Variants in IGHMBP2 observed in about 807,000 individuals in gnomAD.
IGHMBP2 encodes the protein DNA-binding protein SMUBP-2.
IGHMBP2 carries 81 observed loss-of-function variants against 96.0 expected under a neutral mutation model. The observed-to-expected ratio is 0.84, with a 90% CI of 0.71 to 1.01. IGHMBP2 has a LOEUF of 1.01. Among genes scored for constraint, IGHMBP2 ranks in the 50% least tolerant of loss-of-function variants. The pLI, the probability that IGHMBP2 is intolerant of heterozygous loss-of-function variation, is 0.00. For missense variants in IGHMBP2, 1,227 were observed against 1,306.3 expected, an observed-to-expected ratio of 0.94 and a Z score of 0.94; for synonymous variants, 557 against 548.9, an observed-to-expected ratio of 1.01 and a Z score of -0.21.
At chr11:68,913,151 G>A (rs1040028142) in intron 5 of IGHMBP2, among the ~76,000 whole-genome samples, 9 of 151,426 alleles carry the variant, frequency 5.9e-5, no homozygotes, top group Non-Finnish European at 1.2e-4. Flanking sequence ...AACTCGGGCA[G>A]AGCGCAGGGA....
Position 68,919,205 on chromosome 11 carries a change from G to GTCCCCA in IGHMBP2, c.1060+1325_1060+1326insCCATCC, listed in dbSNP as rs1858787501. Among the ~76,000 whole-genome samples, 3 of 134,208 alleles carry GTCCCCA rather than the reference G, an allele frequency of 2.2e-5. No homozygotes were observed. In the South Asian group the frequency reaches 9.1e-4, roughly 41 times the overall value. The allele number at this position is 134,208 out of a possible 152,430, so 88.0% of individuals were successfully genotyped here. On this transcript the variant is annotated intron_variant, in intron 7 of 14. Transcript: ENST00000255078. ...CCCTCCCCTCCCCGTCCCCGTCCCC[G>GTCCCCA]TCCTGTGTGGGATCTCACTGTGTTG...
chr11:68,911,934 G>T (rs561787052), intron 5 of IGHMBP2, among the ~76,000 whole-genome samples: 1 of 152,354 alleles, frequency 6.6e-6, no homozygotes, highest in South Asian at 2.1e-4. Context: ...GTGCACGCCC[G>T]TGCAGGGGCC....
intron 7 of IGHMBP2, 58 bp from the exon 8 acceptor site, chr11:68,929,125 C>T: frequency 6.6e-7 from 1 of 1,506,890 alleles, no homozygotes. Flanking sequence ...TCTGGTGTGG[C>T]TGCGCTGTTG....
At chr11:68,916,975 C>CTTTTTTT (rs11418103) in intron 6 of IGHMBP2, among the ~76,000 whole-genome samples, 4 of 103,344 alleles carry the variant, frequency 3.9e-5, no homozygotes, top group Admixed American at 1.0e-4. Context: ...AAGGTTACAT[C>CTTTTTTT]TTTTTTTTTT....
At position 68,936,823 on chromosome 11, in the gene IGHMBP2, T is replaced by C. The variant is rs1298159780; in HGVS notation, c.2343T>C (p.Thr781=). 1 of 1,613,806 alleles carries C rather than the reference T, an allele frequency of 6.2e-7. No individual in the cohort carries two copies. The highest frequency in any genetic ancestry group is 8.5e-7 in the Non-Finnish European group (1 of 1,180,032). ...GGGAAGGGAAGAGGAGGTTCATCAC[T>C]GTGAGCAAGAGGGCCCCGCGACCCC... ...SSGEGKRRFI[T]VSKRAPRPRA... Residue 781 remains threonine (T), a synonymous_variant, in exon 13 of 15, where the codon ACT becomes ACC. Transcript: ENST00000255078.
At chr11:68,935,517 T>C in intron 12 of IGHMBP2, 95 bp downstream of exon 12, 1 of 1,448,122 alleles carries the variant, frequency 6.9e-7, no homozygotes, top group Non-Finnish European at 9.6e-7. Context: ...CCACACTGGT[T>C]TCTGGCAGTG....
chr11:68,919,340 G>T (rs890075530), intron 7 of IGHMBP2, among the ~76,000 whole-genome samples: 26 of 152,038 alleles, frequency 1.7e-4, no homozygotes, highest in African/African-American at 5.5e-4. Context: ...TCACTATGTT[G>T]CCCAGGCTGG....
intron 13 of IGHMBP2, among the ~76,000 whole-genome samples, chr11:68,937,497 C>T (rs1469396932): frequency 6.6e-6 from 1 of 152,250 alleles, no homozygotes; most frequent in African/African-American, 2.4e-5. Flanking sequence ...TGGAAGTTGT[C>T]CTGGGCAAAA....
rs1179464939 is a variant in IGHMBP2, at chr11:68,938,337, A to G, written c.2767A>G (p.Ser923Gly). 1 of 1,611,130 alleles carries G rather than the reference A, an allele frequency of 6.2e-7. No individual in the cohort carries two copies. The highest frequency in any genetic ancestry group is 8.5e-7 in the Non-Finnish European group (1 of 1,179,348). ...GCTCTGCAGCCGCCGCTACTGCCTC[A>G]GCCACCACCTGCCCGAGGTATGTCG... is the stretch of plus-strand genomic sequence containing the variant. ...CQLCSRRYCL[S>G]HHLPEIHGCG... Residue 923 changes from serine to glycine, a missense_variant, in exon 14 of 15, where the codon AGC (serine) becomes GGC (glycine). By Grantham distance (56) the Ser-to-Gly change is moderately conservative (BLOSUM62 0). Coordinates refer to ENST00000255078, the MANE Select transcript of IGHMBP2 (RefSeq NM_002180.3).
chr11:68,935,250 T>C (rs1425159098), intron 11 of IGHMBP2, 49 bp from the exon 12 acceptor site: 1 of 1,610,854 alleles, frequency 6.2e-7, no homozygotes, highest in Non-Finnish European at 8.5e-7. Context: ...AGGGTCTTGC[T>C]GCGCTGGCAT....
chr11:68,915,743 C>CA (rs1858637880), intron 6 of IGHMBP2, among the ~76,000 whole-genome samples: 1 of 151,986 alleles, frequency 6.6e-6, no homozygotes, highest in African/African-American at 2.4e-5. Context: ...CTCAGCCTCC[C>CA]AAAGTGCTGG....
chr11:68,938,898 A>G (rs1013729664), intron 14 of IGHMBP2, among the ~76,000 whole-genome samples: 1 of 152,134 alleles, frequency 6.6e-6, no homozygotes, highest in Non-Finnish European at 1.5e-5. Context: ...AAGAAAACCC[A>G]GGGCCAGGGT....
intron 14 of IGHMBP2, 108 bp from the exon 15 acceptor site, chr11:68,939,426 C>T (rs1594459603): frequency 2.7e-6 from 3 of 1,130,964 alleles, no homozygotes; most frequent in Non-Finnish European, 3.9e-6. Flanking sequence ...GGAGGAGTGG[C>T]CTTCTCTGTT....
chr11:68,936,098 C>A, intron 12 of IGHMBP2, 139 bp from the exon 13 acceptor site: 3 of 929,180 alleles, frequency 3.2e-6, no homozygotes, highest in East Asian at 2.4e-5. Context: ...CGGTGCCACG[C>A]GTGGCCGGGC....
At chr11:68,923,829 A>T (rs1007839716) in intron 7 of IGHMBP2, among the ~76,000 whole-genome samples, 2 of 152,100 alleles carry the variant, frequency 1.3e-5, no homozygotes, top group African/African-American at 4.8e-5. Context: ...TACCCAAGGG[A>T]ATCTCGCAGC....
At chr11:68,925,219 C>T (rs1344901579) in intron 7 of IGHMBP2, among the ~76,000 whole-genome samples, 1 of 145,470 alleles carries the variant, frequency 6.9e-6, no homozygotes, top group East Asian at 2.1e-4. Context: ...AATCTTGATT[C>T]ACTGCAGCCT....
intron 9 of IGHMBP2, 56 bp downstream of exon 9, chr11:68,933,537 C>A: frequency 1.3e-6 from 2 of 1,549,270 alleles, no homozygotes; most frequent in Non-Finnish European, 1.8e-6. Context: ...TAATCCTCTG[C>A]GTCACCTGTT....
Position 68,904,223 on chromosome 11 carries a change from G to A in IGHMBP2, c.86+185G>A, listed in dbSNP as rs978118847. 2.0e-5 allele frequency among the ~76,000 whole-genome samples: 3 copies of A among 152,250 alleles called. No homozygotes were observed. The East Asian group carries it at 5.8e-4, about 29-fold the overall frequency. On this transcript the variant is annotated intron_variant, in intron 1 of 14. Transcript: ENST00000255078. ...AGTTGTCAGTCTCATCACTTCCTGG[G>A]CAGCGCGTTCCGTTTGGGGACCCTT...
At chr11:68,937,155 C>T in intron 13 of IGHMBP2, 64 bp downstream of exon 13, 7 of 1,575,608 alleles carry the variant, frequency 4.4e-6, no homozygotes, top group Non-Finnish European at 6.0e-6. Flanking sequence ...CCACTTGGAG[C>T]CCACCTGCCA....
Sources: gnomAD v4.1 joint callset for allele counts (sites outside exome capture counted in the v4.1 genomes callset) on GRCh38, gnomAD v4.1.1 for gene constraint, MANE v1.5 for transcripts, NCBI Gene and HGNC (gene_info 2026-07-23, HGNC 2026-07-21) for gene names.